Variants in PKNOX2 observed in about 807,000 individuals in gnomAD.
The protein encoded by PKNOX2 is PBX/knotted 1 homeobox 2, also known as homeobox protein PKNOX2.
Under a neutral mutation model 53.1 loss-of-function variants are expected in PKNOX2, and 14 were observed. That is an observed-to-expected ratio of 0.26 (90% CI 0.17 to 0.41). The LOEUF (loss-of-function observed/expected upper bound fraction) is 0.41. Ranked by LOEUF, PKNOX2 falls within the 10% of genes least tolerant of loss-of-function variation. PKNOX2 has a pLI of 1.00. For missense variants in PKNOX2, 496 were observed against 602.8 expected (o/e 0.82, Z 1.85); for synonymous variants, 257 against 242.8 (o/e 1.06, Z -0.54).
chr11:125,253,221 C>T (rs1049039818), intron 2 of PKNOX2, among the ~76,000 whole-genome samples: 6 of 152,184 alleles, frequency 3.9e-5, no homozygotes, highest in African/African-American at 1.2e-4. Flanking sequence ...TCAGGGCCTA[C>T]TCTTGTCCCA....
intron 6 of PKNOX2, among the ~76,000 whole-genome samples, chr11:125,395,625 G>A (rs1954332406): frequency 6.6e-6 from 1 of 152,092 alleles, no homozygotes; most frequent in Non-Finnish European, 1.5e-5. Context: ...ATACCAATAG[G>A]TGTGTAGTGA....
intron 2 of PKNOX2, among the ~76,000 whole-genome samples, chr11:125,257,958 G>A (rs962242169): frequency 6.6e-6 from 1 of 152,144 alleles, no homozygotes; most frequent in African/African-American, 2.4e-5. Flanking sequence ...TTCCCAAGAA[G>A]GAAAAGTGGC....
intron 2 of PKNOX2, among the ~76,000 whole-genome samples, chr11:125,257,569 G>C (rs1159657186): frequency 6.6e-6 from 1 of 152,198 alleles, no homozygotes; most frequent in Non-Finnish European, 1.5e-5. Flanking sequence ...ATCTGACATT[G>C]GGCAGTTAGT....
intron 2 of PKNOX2, chr11:125,330,146 G>A (rs1208586860): frequency 6.5e-6 from 1 of 152,706 alleles, no homozygotes; most frequent in Non-Finnish European, 1.5e-5. Flanking sequence ...TTGTGCAGCT[G>A]GGGATAGAAA....
chr11:125,248,704 A>G (rs1168491128), intron 2 of PKNOX2, among the ~76,000 whole-genome samples: 1 of 148,416 alleles, frequency 6.7e-6, no homozygotes, highest in Non-Finnish European at 1.5e-5. Context: ...CACATTATAT[A>G]TAACACATTT....
chr11:125,342,710 C>T (rs1950757845), intron 3 of PKNOX2, among the ~76,000 whole-genome samples: 1 of 150,344 alleles, frequency 6.7e-6, no homozygotes, highest in Non-Finnish European at 1.5e-5. Flanking sequence ...GTCCCAGGTT[C>T]ATTTTCAGAT....
chr11:125,215,841 C>T (rs965041502), intron 1 of PKNOX2, among the ~76,000 whole-genome samples: 1 of 152,212 alleles, frequency 6.6e-6, no homozygotes, highest in Non-Finnish European at 1.5e-5. Context: ...TCTTTGAAGA[C>T]ATCACAAGGC....
chr11:125,347,671 T>A (rs142506272), intron 3 of PKNOX2, among the ~76,000 whole-genome samples: 1 of 152,272 alleles, frequency 6.6e-6, no homozygotes, highest in Non-Finnish European at 1.5e-5. Flanking sequence ...TCCTGGGCTC[T>A]CTAAAATGAC....
rs117143883 is a variant in PKNOX2 at position 125,224,699 on chromosome 11, C to A, written c.-200-10346C>A. ...CAGATCCAGGTGGGGACACCAGCCGCGGCTGCCTTCTCCACTGAGCCACCC... is the reference window on the plus strand; with the variant it reads ...CAGATCCAGGTGGGGACACCAGCCGAGGCTGCCTTCTCCACTGAGCCACCC... On this transcript the variant is annotated intron_variant, in intron 1 of 12. Transcript: ENST00000298282. Among the ~76,000 whole-genome samples the A allele has an allele frequency of 7.6e-4, 116 of 152,322 alleles. 1 individual carries two copies. In the East Asian group the frequency reaches 0.019, roughly 25 times the overall value.
intron 2 of PKNOX2, among the ~76,000 whole-genome samples, chr11:125,253,903 T>C (rs1944201771): frequency 6.6e-6 from 1 of 152,068 alleles, no homozygotes; most frequent in African/African-American, 2.4e-5. Context: ...AGGGGGCGGT[T>C]GTCAGGAACA....
At chr11:125,387,105 C>T (rs771716052) in intron 6 of PKNOX2, among the ~76,000 whole-genome samples, 21 of 152,182 alleles carry the variant, frequency 1.4e-4, no homozygotes, top group Non-Finnish European at 2.5e-4. Flanking sequence ...GGGAAAGCTG[C>T]CCTGTGCAGG....
At chr11:125,382,600 C>T (rs996618218) in intron 5 of PKNOX2, among the ~76,000 whole-genome samples, 1 of 152,152 alleles carries the variant, frequency 6.6e-6, no homozygotes, top group Non-Finnish European at 1.5e-5. Context: ...TTCATAACAC[C>T]GTCTGGAATT....
At chr11:125,416,403 C>T (rs1955889030) in intron 10 of PKNOX2, among the ~76,000 whole-genome samples, 1 of 150,976 alleles carries the variant, frequency 6.6e-6, no homozygotes, top group South Asian at 2.1e-4. Flanking sequence ...TTATGTATTC[C>T]AATCCTTTAT....
rs1248237712 is a variant in PKNOX2 at position 125,370,335 on chromosome 11, C to G, written c.227+2350C>G. On this transcript the variant is annotated intron_variant, in intron 5 of 12. Coordinates refer to ENST00000298282, the MANE Select transcript of PKNOX2 (RefSeq NM_001382323.2). This position sits in a 1 kb window ranked among gnomAD's most constrained non-coding sequence, Gnocchi z 4.1. ...AAAGCCCTTCTCACAATCCCAGGCTCGTACCCTACCCAGGCCAACCTGCAG... is the reference window on the plus strand; with the variant it reads ...AAAGCCCTTCTCACAATCCCAGGCTGGTACCCTACCCAGGCCAACCTGCAG... Among the ~76,000 whole-genome samples the G allele has an allele frequency of 1.3e-5, 2 of 152,196 alleles. No homozygotes were observed. Among genetic ancestry groups the G allele is most frequent in the Admixed American group, 6.5e-5 (1 of 15,286 alleles).
intron 1 of PKNOX2, among the ~76,000 whole-genome samples, chr11:125,224,502 T>C (rs559858018): frequency 1.3e-5 from 2 of 152,350 alleles, no homozygotes; most frequent in Admixed American, 1.3e-4. Flanking sequence ...AGGCCTGTGC[T>C]GTGAACTCAG....
chr11:125,237,097 G>T (rs1942757308), intron 2 of PKNOX2, among the ~76,000 whole-genome samples: 1 of 152,204 alleles, frequency 6.6e-6, no homozygotes, highest in Non-Finnish European at 1.5e-5. Flanking sequence ...CCAAAGGCTT[G>T]CTCCCTCATC....
At chr11:125,398,620 C>T (rs1422200915) in intron 7 of PKNOX2, among the ~76,000 whole-genome samples, 1 of 152,222 alleles carries the variant, frequency 6.6e-6, no homozygotes, top group African/African-American at 2.4e-5. Flanking sequence ...CACCTCAAAC[C>T]ACCCTGTTCC....
chr11:125,250,136 G>A (rs1331434540), intron 2 of PKNOX2, among the ~76,000 whole-genome samples: 2 of 143,610 alleles, frequency 1.4e-5, no homozygotes, highest in Non-Finnish European at 3.0e-5. Context: ...GGCTAGACTC[G>A]AACTCCTAGC....
chr11:125,381,390 G>C (rs1364279590), intron 5 of PKNOX2, among the ~76,000 whole-genome samples: 2 of 152,134 alleles, frequency 1.3e-5, no homozygotes, highest in Non-Finnish European at 2.9e-5. Flanking sequence ...GCTGGAGAGA[G>C]GGTGCCAGGC....
Sources: gnomAD v4.1 joint callset for allele counts (sites outside exome capture counted in the v4.1 genomes callset) on GRCh38, gnomAD v4.1.1 for gene constraint, Gnocchi (gnomAD v3.1) non-coding constraint, MANE v1.5 for transcripts, NCBI Gene and HGNC (gene_info 2026-07-23, HGNC 2026-07-21) for gene names.